AASDH: variants seen among roughly 807,000 people sequenced by gnomAD.
The protein encoded by AASDH is beta-alanine-activating enzyme.
In AASDH, 81 loss-of-function variants were observed where a neutral mutation model predicts 102.3. That is an observed-to-expected ratio of 0.79 (90% CI 0.66 to 0.95). The LOEUF (loss-of-function observed/expected upper bound fraction) is 0.95, where lower values mean the gene tolerates loss of function less well. Among genes scored for constraint, AASDH ranks in the 40% least tolerant of loss-of-function variants. AASDH has a pLI of 0.00. For missense variants in AASDH, 1,203 were observed against 1,266.2 expected (o/e 0.95, Z 0.76); for synonymous variants, 398 against 454.0 (o/e 0.88, Z 1.57).
intron 4 of AASDH, among the ~76,000 whole-genome samples, chr4:56,374,757 A>G (rs145600999): frequency 1.1e-4 from 17 of 152,286 alleles, no homozygotes; most frequent in Non-Finnish European, 1.9e-4. Flanking sequence ...GTCTTTTGTC[A>G]GTTTAATTCT....
At chr4:56,359,789 C>T (rs1298312395) in intron 5 of AASDH, among the ~76,000 whole-genome samples, 11 of 150,134 alleles carry the variant, frequency 7.3e-5, no homozygotes, top group Admixed American at 7.3e-4. Flanking sequence ...GAACTCCTGA[C>T]CTCATGATCC....
At chr4:56,383,227 A>C (rs1178750472) in intron 2 of AASDH, among the ~76,000 whole-genome samples, 1 of 152,188 alleles carries the variant, frequency 6.6e-6, no homozygotes, top group East Asian at 1.9e-4. Flanking sequence ...ATCTTTGCAC[A>C]TAGTAAATTC....
intron 5 of AASDH, among the ~76,000 whole-genome samples, chr4:56,366,189 A>G (rs1297111843): frequency 6.6e-6 from 1 of 152,248 alleles, no homozygotes; most frequent in Non-Finnish European, 1.5e-5. Context: ...GAATCTCTGT[A>G]TAGACCAATA....
At chr4:56,343,802 T>A in intron 12 of AASDH, 118 bp from the exon 13 acceptor site, 1 of 973,110 alleles carries the variant, frequency 1.0e-6, no homozygotes, top group Non-Finnish European at 1.4e-6. Flanking sequence ...TAGTATAAAG[T>A]ACATGCCTAC....
intron 5 of AASDH, among the ~76,000 whole-genome samples, chr4:56,366,725 A>C (rs1171909546): frequency 6.6e-6 from 1 of 151,368 alleles, no homozygotes; most frequent in Non-Finnish European, 1.5e-5. Context: ...GTATCTCAAA[A>C]TAATAAGAGC....
intron 3 of AASDH, among the ~76,000 whole-genome samples, chr4:56,380,518 T>A (rs1404844284): frequency 2.6e-5 from 4 of 152,166 alleles, no homozygotes; most frequent in Non-Finnish European, 5.9e-5. Context: ...AAGAACTACA[T>A]ACGCTTCAGA....
At position 56,376,728 on chromosome 4, in the gene AASDH, T is replaced by C. The variant is rs145856090; in HGVS notation, c.668+1420A>G. On this transcript the variant is annotated intron_variant, in intron 4 of 14. Transcript: ENST00000205214. ...TAGTAATTTTTATATTGATTACATA[T>C]TGAAGTAATGTTTTGGAGTATACTA... Among the ~76,000 whole-genome samples, 1,053 of 152,322 alleles carry C rather than the reference T, an allele frequency of 6.9e-3. 14 individuals carry two copies. The highest frequency in any genetic ancestry group is 0.024 in the African/African-American group (995 of 41,574).
intron 11 of AASDH, among the ~76,000 whole-genome samples, chr4:56,347,424 T>A (rs1748450451): frequency 6.6e-6 from 1 of 152,198 alleles, no homozygotes; most frequent in African/African-American, 2.4e-5. Context: ...TTGAAAAGCT[T>A]TGATGAAGAT....
At chr4:56,377,534 A>C (rs1752501567) in intron 4 of AASDH, among the ~76,000 whole-genome samples, 1 of 152,186 alleles carries the variant, frequency 6.6e-6, no homozygotes, top group South Asian at 2.1e-4. Context: ...TCATTCTCAT[A>C]TAACTCTGCT....
rs781645957 is a variant in AASDH at position 56,349,980 on chromosome 4, T to G, written c.1771A>C (p.Lys591Gln). 5.6e-6 allele frequency: 9 copies of G among 1,612,832 alleles called. No individual in the cohort carries two copies. In the African/African-American group the frequency reaches 1.2e-4, roughly 22 times the overall value. The change falls in exon 11 of 15, where the codon AAG becomes CAG. Residue 591 changes from lysine (K) to glutamine (Q), a missense_variant. Physicochemically the swap from Lys to Gln is moderately conservative, Grantham distance 53 (BLOSUM62 1). Transcript: ENST00000205214. ...LFLNSGGDSLKSIRLLSEIEK... is the reference protein window; with the variant it reads ...LFLNSGGDSLQSIRLLSEIEK... ...ATCTCACTGAGGAGCCGGATGGACT[T>G]TAAGGAATCTCCACCACTATTTAAG...
chr4:56,382,634 G>A (rs751861853), intron 2 of AASDH, 37 bp from the exon 3 acceptor site: 19 of 1,579,438 alleles, frequency 1.2e-5, no homozygotes, highest in Non-Finnish European at 1.5e-5. Context: ...TAGAATGTCT[G>A]TTGATTTAGT....
chr4:56,341,387 A>ATGTTTTTTTTTTTTTTT (rs1560561026), intron 14 of AASDH, among the ~76,000 whole-genome samples: 1 of 82,798 alleles, frequency 1.2e-5, no homozygotes, highest in African/African-American at 4.2e-5. Flanking sequence ...GGAGACTTTT[A>ATGTTTTTTTTTTTTTTT]TCTTTTTTTT....
chr4:56,377,829 C>G (rs911665701), intron 4 of AASDH, among the ~76,000 whole-genome samples: 11 of 152,034 alleles, frequency 7.2e-5, no homozygotes, highest in Admixed American at 2.0e-4. Flanking sequence ...GTTTTTGAGA[C>G]AGTCTCACTC....
intron 5 of AASDH, among the ~76,000 whole-genome samples, chr4:56,368,900 C>T (rs1751362147): frequency 6.6e-6 from 1 of 150,750 alleles, no homozygotes; most frequent in African/African-American, 2.4e-5. Flanking sequence ...TATAAACTCC[C>T]TCCCAAAAAA....
chr4:56,347,640 G>A (rs1332540883), intron 11 of AASDH, among the ~76,000 whole-genome samples: 3 of 152,008 alleles, frequency 2.0e-5, no homozygotes, highest in South Asian at 2.1e-4. Flanking sequence ...GGTGGCTCAC[G>A]CCTGTAATCT....
rs369369109 is a variant in AASDH at position 56,342,831 on chromosome 4, T to C, written c.2907+4A>G. 2.0e-5 allele frequency: 27 copies of C among 1,358,874 alleles called. No individual in the cohort carries two copies. The highest frequency in any genetic ancestry group is 1.6e-4 in the South Asian group (7 of 44,040). 84.2% of individuals were successfully genotyped at this position (1,358,874 alleles called of 1,614,324 possible). On this transcript the variant is annotated splice_donor_region_variant and intron_variant, in intron 14 of 14. Transcript: ENST00000205214. ...TATATATAAAAAATTTCTAGTTCTA[T>C]TACCTGTTCTCCAAAGTGAGTAAAG...
intron 5 of AASDH, among the ~76,000 whole-genome samples, chr4:56,362,595 C>A (rs1387441404): frequency 1.3e-5 from 2 of 152,016 alleles, no homozygotes; most frequent in African/African-American, 4.8e-5. Context: ...TGCTTCATGT[C>A]CAATTAGGTC....
rs145109020 is a variant in AASDH at position 56,384,795 on chromosome 4, C to T, written c.-42-454G>A. ...GTGACTTTAAAATTACTAATGTGGC[C>T]GGGTGCGGTGGCTCACACCTGTAAT... is the stretch of plus-strand genomic sequence containing the variant. On this transcript the variant is annotated intron_variant, in intron 1 of 14. Coordinates refer to ENST00000205214, the MANE Select transcript of AASDH (RefSeq NM_181806.4). Among the ~76,000 whole-genome samples the T allele has an allele frequency of 5.4e-4, 82 of 152,174 alleles. 1 individual carries two copies. In the East Asian group the frequency reaches 0.015, roughly 28 times the overall value.
intron 4 of AASDH, among the ~76,000 whole-genome samples, chr4:56,375,735 A>T (rs1328640721): frequency 6.6e-6 from 1 of 151,464 alleles, no homozygotes; most frequent in African/African-American, 2.4e-5. Flanking sequence ...CACCTCCCAC[A>T]CTCTTAGGTA....
Sources: gnomAD v4.1 joint callset for allele counts (sites outside exome capture counted in the v4.1 genomes callset) on GRCh38, gnomAD v4.1.1 for gene constraint, MANE v1.5 for transcripts, NCBI Gene and HGNC (gene_info 2026-07-23, HGNC 2026-07-21) for gene names.